The following NEU3 variants were observed in gnomAD, a reference collection of about 807,000 sequenced individuals.
The protein encoded by NEU3 is neuraminidase 3, also known as sialidase-3.
Under a neutral mutation model 11.4 loss-of-function variants are expected in NEU3, and 10 were observed. That is an observed-to-expected ratio of 0.88 (90% CI 0.54 to 1.49). The LOEUF (loss-of-function observed/expected upper bound fraction) is 1.49, where lower values mean the gene tolerates loss of function less well. Ranked by LOEUF, NEU3 falls within the 40% of genes most tolerant of loss-of-function variation. The pLI, the probability that NEU3 is intolerant of heterozygous loss-of-function variation, is 0.00. For missense variants in NEU3, 529 were observed against 581.8 expected (o/e 0.91, Z 0.93); for synonymous variants, 212 against 228.2 (o/e 0.93, Z 0.64).
chr11:75,009,168 C>G lies in NEU3; in HGVS notation c.*2676C>G, dbSNP rs758634202. On this transcript the variant is annotated 3_prime_UTR_variant, in exon 3 of 3. Coordinates refer to ENST00000294064, the MANE Select transcript of NEU3 (RefSeq NM_006656.6). Reference sequence around the variant, plus strand: ...TGGCAGCTATGAAGAAAAAACAGATCAGAAGAAGAGTCCTGGCACCTTAGG... The same window carrying G: ...TGGCAGCTATGAAGAAAAAACAGATGAGAAGAAGAGTCCTGGCACCTTAGG... 2 of 152,178 alleles carry G rather than the reference C, an allele frequency of 1.3e-5. No individual in the cohort carries two copies. The highest frequency in any genetic ancestry group is 2.4e-5 in the African/African-American group (1 of 41,424). The allele number at this position is 152,178 out of a possible 1,614,324, so 9.4% of individuals were successfully genotyped here.
intron 1 of NEU3, chr11:74,989,891 A>G (rs541593705): frequency 7.3e-6 from 5 of 684,534 alleles, no homozygotes; most frequent in South Asian, 6.2e-5. Flanking sequence ...GCAGCAAGTA[A>G]TCATTTGAAT....
At chr11:74,994,882 G>A in intron 2 of NEU3, 162 bp downstream of exon 2, 1 of 727,016 alleles carries the variant, frequency 1.4e-6, no homozygotes, top group Non-Finnish European at 2.5e-6. Flanking sequence ...AGTGCTTATT[G>A]TGTGCCAGGG....
At chr11:74,986,955 G>GT (rs2140228134), upstream of NEU3, among the ~76,000 whole-genome samples, 1 of 152,318 alleles carries the variant, frequency 6.6e-6, no homozygotes, top group South Asian at 2.1e-4. Flanking sequence ...GAGGGCAATA[G>GT]TATATGTGAG....
intron 1 of NEU3, 101 bp from the exon 2 acceptor site, chr11:74,994,408 C>G (rs1398325659): frequency 3.7e-6 from 3 of 802,150 alleles, no homozygotes; most frequent in East Asian, 5.0e-5. Flanking sequence ...TATCTGTGCC[C>G]CCCCACCTTT....
chr11:75,003,026 A>G (rs777474201), intron 2 of NEU3, among the ~76,000 whole-genome samples: 14 of 152,200 alleles, frequency 9.2e-5, no homozygotes, highest in Non-Finnish European at 2.1e-4. Context: ...ATATTCTTAT[A>G]CATGTTTTTG....
intron 2 of NEU3, among the ~76,000 whole-genome samples, chr11:75,001,602 G>C (rs1948844875): frequency 6.6e-6 from 1 of 152,052 alleles, no homozygotes; most frequent in Non-Finnish European, 1.5e-5. Context: ...TCTTTAATCA[G>C]TTTACCCCAT....
chr11:75,010,553 C>T lies in NEU3; in HGVS notation c.*4061C>T, dbSNP rs981537809. 1.6e-4 allele frequency: 25 copies of T among 152,212 alleles called. No homozygotes were observed. Among genetic ancestry groups the T allele is most frequent in the African/African-American group, 6.0e-4 (25 of 41,448 alleles). 9.4% of individuals were successfully genotyped at this position (152,212 alleles called of 1,614,324 possible). A position where few individuals can be genotyped will look rare whatever the true frequency, so the allele number is the denominator to read the frequency against. Reference sequence around the variant, plus strand: ...CTGGCCTGCTTCAAGGTCAGTTACACTACTTCCTGGGATGGGCCTTTCTCT... The same window carrying T: ...CTGGCCTGCTTCAAGGTCAGTTACATTACTTCCTGGGATGGGCCTTTCTCT... On this transcript the variant is annotated 3_prime_UTR_variant, in exon 3 of 3. Transcript: ENST00000294064.
rs1291342145 is a variant in NEU3 at position 75,009,176 on chromosome 11, GAGTC to G, written c.*2685_*2688del. ...ATGAAGAAAAAACAGATCAGAAGAA[GAGTC>G]CTGGCACCTTAGGAAGAGAAAGTGT... On this transcript the variant is annotated 3_prime_UTR_variant, in exon 3 of 3. Coordinates refer to ENST00000294064, the MANE Select transcript of NEU3 (RefSeq NM_006656.6). 1 of 152,294 alleles carries G rather than the reference GAGTC, an allele frequency of 6.6e-6. No homozygotes were observed. The highest frequency in any genetic ancestry group is 1.5e-5 in the Non-Finnish European group (1 of 68,104). The allele number at this position is 152,294 out of a possible 1,614,324, so 9.4% of individuals were successfully genotyped here. A position where few individuals can be genotyped will look rare whatever the true frequency, so the allele number is the denominator to read the frequency against.
At position 75,005,700 on chromosome 11, in the gene NEU3, T is replaced by C; in HGVS notation, c.594T>C (p.His198=). Residue 198 remains histidine, a synonymous_variant, in exon 3 of 3, where the codon CAT becomes CAC. Transcript: ENST00000294064. ...CCACATTTGCTGTGGGCCCAGGTCATGGCATCCAGCTGCAGTCAGGGAGAC... is the reference window on the plus strand; with the variant it reads ...CCACATTTGCTGTGGGCCCAGGTCACGGCATCCAGCTGCAGTCAGGGAGAC... ...HWATFAVGPG[H]GIQLQSGRLV... 6.2e-7 allele frequency: 1 copy of C among 1,614,036 alleles called. No homozygotes were observed. Among genetic ancestry groups the C allele is most frequent in the Non-Finnish European group, 8.5e-7 (1 of 1,179,880 alleles).
At chr11:75,000,482 G>C (rs937888130) in intron 2 of NEU3, among the ~76,000 whole-genome samples, 1 of 152,068 alleles carries the variant, frequency 6.6e-6, no homozygotes, top group Non-Finnish European at 1.5e-5. Flanking sequence ...GAATTGTATA[G>C]TGTTTGTCTT....
upstream of NEU3, among the ~76,000 whole-genome samples, chr11:74,985,868 T>C (rs1948663264): frequency 6.6e-6 from 1 of 152,220 alleles, no homozygotes; most frequent in South Asian, 2.1e-4. Flanking sequence ...ACCATCTGCC[T>C]AGCACATAAT....
chr11:74,981,238 T>C, the NEU3 span, among the ~76,000 whole-genome samples: 4 of 152,116 alleles, frequency 2.6e-5, no homozygotes, highest in East Asian at 1.9e-4. Context: ...TTGATGAGGA[T>C]TGAGTAGTTG....
In NEU3 at chr11:75,010,366, G is replaced by A. The variant is rs1376321523; in HGVS notation, c.*3874G>A. The stretch of plus-strand genomic sequence containing the variant: ...CTGAAACAGAGTAGCTAGCAGTAAA[G>A]ATACACTGAATGAATGAATGAGTCA... On this transcript the variant is annotated 3_prime_UTR_variant, in exon 3 of 3. Transcript: ENST00000294064. 7.9e-5 allele frequency: 12 copies of A among 152,354 alleles called. No homozygotes were observed. The East Asian group carries it at 1.7e-3, about 22-fold the overall frequency. 9.4% of individuals were successfully genotyped at this position (152,354 alleles called of 1,614,324 possible). A position where few individuals can be genotyped will look rare whatever the true frequency, so the allele number is the denominator to read the frequency against.
the NEU3 span, among the ~76,000 whole-genome samples, chr11:74,981,608 A>G: frequency 4.6e-5 from 7 of 152,178 alleles, no homozygotes; most frequent in African/African-American, 1.7e-4. Flanking sequence ...TGGCTATACC[A>G]TAAGTAATAA....
chr11:75,004,276 TAG>T, intron 2 of NEU3: 1 of 681,798 alleles, frequency 1.5e-6, no homozygotes. Flanking sequence ...TATGTCAATT[TAG>T]TTATTTTGTT....
Position 74,994,570 on chromosome 11 carries a change from C to A in NEU3, c.156C>A (p.Asp52Glu), listed in dbSNP as rs377669540. 6.2e-7 allele frequency: 1 copy of A among 1,613,912 alleles called. No homozygotes were observed. The highest frequency in any genetic ancestry group is 1.3e-5 in the African/African-American group (1 of 75,040). ...FNSPLFRQED[D>E]RGITYRIPAL... Reference sequence around the variant, plus strand: ...GCCCTCTGTTCCGGCAGGAAGATGACAGAGGGATTACCTACCGGATCCCAG... The same window carrying A: ...GCCCTCTGTTCCGGCAGGAAGATGAAAGAGGGATTACCTACCGGATCCCAG... Residue 52 changes from aspartate (D) to glutamate (E), a missense_variant, in exon 2 of 3, where the codon GAC becomes GAA. Physicochemically the swap from Asp to Glu is conservative, Grantham distance 45. Transcript: ENST00000294064.
intron 2 of NEU3, among the ~76,000 whole-genome samples, chr11:75,000,855 A>G (rs1469620169): frequency 6.6e-6 from 1 of 151,522 alleles, no homozygotes; most frequent in Non-Finnish European, 1.5e-5. Context: ...CCCGGGCTCC[A>G]TTCATCTCTT....
At chr11:74,994,885 TGC>T in intron 2 of NEU3, 165 bp downstream of exon 2, 1 of 722,884 alleles carries the variant, frequency 1.4e-6, no homozygotes, top group East Asian at 2.7e-5. Context: ...GCTTATTGTG[TGC>T]CAGGGGCACA....
At chr11:74,983,282 A>G (rs144789530), upstream of NEU3, among the ~76,000 whole-genome samples, 396 of 152,362 alleles carry the variant, frequency 2.6e-3, 2 homozygotes, top group African/African-American at 9.1e-3. Context: ...TAATTGAACT[A>G]GGAAAGTTTA....
Sources: gnomAD v4.1 joint callset for allele counts (sites outside exome capture counted in the v4.1 genomes callset) on GRCh38, gnomAD v4.1.1 for gene constraint, MANE v1.5 for transcripts, NCBI Gene and HGNC (gene_info 2026-07-23, HGNC 2026-07-21) for gene names.